Variants in C1QTNF8 observed in about 807,000 individuals in gnomAD.
C1QTNF8 encodes the protein C1q and TNF related 8, also known as complement C1q tumor necrosis factor-related protein 8.
C1QTNF8 carries 27 observed loss-of-function variants against 19.2 expected under a neutral mutation model. The ratio of observed to expected loss-of-function variants is 1.41; its 90% CI spans 1.04 to 1.94. The LOEUF (loss-of-function observed/expected upper bound fraction) is 1.94, where lower values mean the gene tolerates loss of function less well. C1QTNF8 is among the 30% of genes most tolerant of loss of function. The pLI, the probability that C1QTNF8 is intolerant of heterozygous loss-of-function variation, is 0.00. For synonymous variants in C1QTNF8, 208 were observed against 172.8 expected, an observed-to-expected ratio of 1.20 and a Z score of -1.60; for missense variants, 484 against 374.4, an observed-to-expected ratio of 1.29 and a Z score of -2.42.
At chr16:1,094,957 G>C (rs1190588529) in intron 2 of C1QTNF8, 24 bp from the exon 3 acceptor site, 1 of 1,062,118 alleles carries the variant, frequency 9.4e-7, no homozygotes, top group Non-Finnish European at 1.2e-6. Flanking sequence ...AAGAGGGGAG[G>C]GACTGAGAAG....
At chr16:1,095,064 G>A (rs888777904) in intron 2 of C1QTNF8, 131 bp from the exon 3 acceptor site, 14 of 427,382 alleles carry the variant, frequency 3.3e-5, no homozygotes, top group Non-Finnish European at 4.4e-5. Flanking sequence ...GCCTGGGCAC[G>A]GACGGTCCTG....
Position 1,093,840 on chromosome 16 carries a change from C to G in C1QTNF8, c.420G>C (p.Thr140=). 6.2e-7 allele frequency: 1 copy of G among 1,607,120 alleles called. No individual in the cohort carries two copies. Among genetic ancestry groups the G allele is most frequent in the Non-Finnish European group, 8.5e-7 (1 of 1,179,182 alleles). Residue 140 remains threonine, a synonymous_variant, in exon 4 of 5, where the codon ACG becomes ACC. Coordinates refer to ENST00000328449, the MANE Select transcript of C1QTNF8 (RefSeq NM_207419.3). ...AGGCGCCGTCCAGGTTCACCAGCTC[C>G]GTGTCGAAGGGCACCGCCTGGAAGT... The part of the protein sequence containing the change: ...SDHFQAVPFD[T]ELVNLDGAFD...
rs554702569 is a variant in C1QTNF8, at chr16:1,090,161, C to T, written c.*438G>A. On this transcript the variant is annotated 3_prime_UTR_variant, in exon 5 of 5. Coordinates refer to ENST00000328449, the MANE Select transcript of C1QTNF8 (RefSeq NM_207419.3). ...TCCAGAAGCCCTGCTACCGCCCCCC[C>T]ACAGACACACAAGGTGGGACTTGAG... 1.3e-5 allele frequency: 2 copies of T among 152,428 alleles called. No individual in the cohort carries two copies. Among genetic ancestry groups the T allele is most frequent in the African/African-American group, 2.4e-5 (1 of 41,474 alleles). 9.4% of individuals were successfully genotyped at this position (152,428 alleles called of 1,614,324 possible).
chr16:1,093,426 CCACA>C (rs750454261), intron 4 of C1QTNF8, 67 bp downstream of exon 4: 201 of 1,006,674 alleles, frequency 2.0e-4, no homozygotes, highest in Non-Finnish European at 2.5e-4. Flanking sequence ...ACACCCACCC[CCACA>C]CACACACACA....
At chr16:1,095,415 C>T (rs1006026877) in intron 2 of C1QTNF8, among the ~76,000 whole-genome samples, 200 bp downstream of exon 2, 1 of 152,198 alleles carries the variant, frequency 6.6e-6, no homozygotes, top group East Asian at 1.9e-4. Context: ...GAGAGCCTCT[C>T]GTCCGGAGCC....
At chr16:1,094,651 C>T in intron 3 of C1QTNF8, 64 bp downstream of exon 3, 1 of 1,420,670 alleles carries the variant, frequency 7.0e-7, no homozygotes, top group East Asian at 2.6e-5. Context: ...CCAGGTGCTC[C>T]CCACTCCCTG....
At chr16:1,094,641 C>G (rs1229185741) in intron 3 of C1QTNF8, 74 bp downstream of exon 3, 1 of 1,319,550 alleles carries the variant, frequency 7.6e-7, no homozygotes, top group Non-Finnish European at 1.0e-6. Flanking sequence ...CTCCCAAGCC[C>G]CAGGTGCTCC....
intron 4 of C1QTNF8, among the ~76,000 whole-genome samples, chr16:1,090,921 C>T (rs983258107): frequency 3.3e-5 from 5 of 152,228 alleles, no homozygotes; most frequent in African/African-American, 1.2e-4. Flanking sequence ...GCAGCCCGTG[C>T]CCTCCTACCT....
At position 1,089,180 on chromosome 16, in the gene C1QTNF8, C is replaced by T. The variant is rs1040679306; in HGVS notation, c.*1419G>A. Among the ~76,000 whole-genome samples the T allele has an allele frequency of 2.0e-5, 3 of 152,126 alleles. No individual in the cohort carries two copies. The highest frequency in any genetic ancestry group is 2.9e-5 in the Non-Finnish European group (2 of 67,990). The stretch of plus-strand genomic sequence containing the variant: ...CAGGCAGCCTGCGAGAGGAGATGTC[C>T]TCCCTGGCCCTGGGGTGGTCCGGAC... On this transcript the variant is annotated 3_prime_UTR_variant, in exon 5 of 5. Coordinates refer to ENST00000328449, the MANE Select transcript of C1QTNF8 (RefSeq NM_207419.3).
Position 1,090,376 on chromosome 16 carries a change from C to T in C1QTNF8, c.*223G>A, listed in dbSNP as rs1205227283. 1 of 152,346 alleles carries T rather than the reference C, an allele frequency of 6.6e-6. No homozygotes were observed. The highest frequency in any genetic ancestry group is 6.5e-5 in the Admixed American group (1 of 15,286). The allele number at this position is 152,346 out of a possible 1,614,324, so 9.4% of individuals were successfully genotyped here. A position where few individuals can be genotyped will look rare whatever the true frequency, so the allele number is the denominator to read the frequency against. On this transcript the variant is annotated 3_prime_UTR_variant, in exon 5 of 5. Transcript: ENST00000328449. ...GCAAATGGCGGGCCCCTGTAGCCGC[C>T]CCTCCTCCTGTCCTGCGCTGTTGGG...
At chr16:1,093,398 A>G in intron 4 of C1QTNF8, 99 bp downstream of exon 4, 1 of 120,116 alleles carries the variant, frequency 8.3e-6, no homozygotes, top group Non-Finnish European at 1.4e-5. Context: ...ACCCACACCC[A>G]CCCACACACA....
Position 1,088,736 on chromosome 16 carries a change from G to A in C1QTNF8, c.*1863C>T, listed in dbSNP as rs1373878312. Among the ~76,000 whole-genome samples, 2 of 48,632 alleles carry A rather than the reference G, an allele frequency of 4.1e-5. No homozygotes were observed. The highest frequency in any genetic ancestry group is 2.3e-4 in the East Asian group (1 of 4,260). The allele number at this position is 48,632 out of a possible 152,430, so 31.9% of individuals were successfully genotyped here. A position where few individuals can be genotyped will look rare whatever the true frequency, so the allele number is the denominator to read the frequency against. On this transcript the variant is annotated 3_prime_UTR_variant, in exon 5 of 5. Transcript: ENST00000328449. ...CCAGGGTCGCCACTGGCATTCATTA[G>A]ACACCCCCGCCAGCTTCCAAGAGAC...
At chr16:1,093,421 C>T (rs1316414775) in intron 4 of C1QTNF8, 76 bp downstream of exon 4, 1 of 1,020,410 alleles carries the variant, frequency 9.8e-7, no homozygotes, top group Admixed American at 3.2e-5. Context: ...CACCCACACC[C>T]ACCCCCACAC....
chr16:1,090,725 T>A (rs1207988164), intron 4 of C1QTNF8, 131 bp from the exon 5 acceptor site: 2 of 147,476 alleles, frequency 1.4e-5, no homozygotes, highest in Non-Finnish European at 3.0e-5. Context: ...CCTCCCCCGG[T>A]TCCTTTGCCC....
Position 1,093,636 on chromosome 16 carries a change from C to T in C1QTNF8, c.624G>A (p.Met208Ile). The T allele has an allele frequency of 6.2e-7, 1 of 1,610,106 alleles. No homozygotes were observed. Among genetic ancestry groups the T allele is most frequent in the Non-Finnish European group, 8.5e-7 (1 of 1,178,534 alleles). Residue 208 changes from methionine (M) to isoleucine (I), a missense_variant, in exon 4 of 5, where the codon ATG becomes ATA. Met to Ile is a conservative substitution (Grantham distance 10). Transcript: ENST00000328449. Reference sequence around the variant, plus strand: ...CGGCGTCGCCCGCCGCCAGCAGCAGCATCAGGCTCTGGGCCTGCATGACGC... The same window carrying T: ...CGGCGTCGCCCGCCGCCAGCAGCAGTATCAGGCTCTGGGCCTGCATGACGC... ...ERSVMQAQSLMLLLAAGDAVW... is the reference protein window; with the variant it reads ...ERSVMQAQSLILLLAAGDAVW...
rs1245866360 is a variant in C1QTNF8, at chr16:1,093,269, G to A, written c.*4+228C>T. ...GCTCAACCAATCCCTGCACACAGTC[G>A]GCGCTCAACAAATCACTGCACACAG... On this transcript the variant is annotated intron_variant, in intron 4 of 4. Coordinates refer to ENST00000328449, the MANE Select transcript of C1QTNF8 (RefSeq NM_207419.3). Among the ~76,000 whole-genome samples the A allele has an allele frequency of 1.7e-3, 242 of 139,824 alleles. 4 individuals carry two copies. The highest frequency in any genetic ancestry group is 1.6e-3 in the Non-Finnish European group (106 of 66,280). The allele number at this position is 139,824 out of a possible 152,430, so 91.7% of individuals were successfully genotyped here. A position where few individuals can be genotyped will look rare whatever the true frequency, so the allele number is the denominator to read the frequency against.
chr16:1,093,690 G>C lies in C1QTNF8; in HGVS notation c.570C>G (p.Ala190=), dbSNP rs1164937523. Residue 190 remains alanine (A), a synonymous_variant, in exon 4 of 5, where the codon GCC becomes GCG. Coordinates refer to ENST00000328449, the MANE Select transcript of C1QTNF8 (RefSeq NM_207419.3). Reference sequence around the variant, plus strand: ...GCTCGCTGGGCTGCGCGTAGAGCACGGCCGCGGGCCGCCGGTTCAGCATGA... The same window carrying C: ...GCTCGCTGGGCTGCGCGTAGAGCACCGCCGCGGGCCGCCGGTTCAGCATGA... ...LHIMLNRRPA[A]VLYAQPSERS... 1.2e-6 allele frequency: 2 copies of C among 1,612,184 alleles called. No homozygotes were observed. The highest frequency in any genetic ancestry group is 1.7e-6 in the Non-Finnish European group (2 of 1,179,668).
chr16:1,090,980 C>T (rs957965270), intron 4 of C1QTNF8, among the ~76,000 whole-genome samples: 3 of 152,200 alleles, frequency 2.0e-5, no homozygotes, highest in African/African-American at 7.2e-5. Flanking sequence ...ATGTTGGGGG[C>T]TGTCCTCTCA....
chr16:1,090,928 A>C (rs993271378), intron 4 of C1QTNF8, among the ~76,000 whole-genome samples: 42 of 151,758 alleles, frequency 2.8e-4, no homozygotes, highest in Non-Finnish European at 5.2e-4. Flanking sequence ...GTGCCCTCCT[A>C]CCTCCCTCCT....
Sources: allele counts gnomAD v4.1 joint callset (sites outside exome capture counted in the v4.1 genomes callset), GRCh38; gene constraint gnomAD v4.1.1; transcripts MANE v1.5; gene names NCBI Gene and HGNC (gene_info 2026-07-23, HGNC 2026-07-21).